The following USP28 variants were observed in gnomAD, a reference collection of about 807,000 sequenced individuals.
USP28 encodes the protein ubiquitin specific peptidase 28, also known as ubiquitin carboxyl-terminal hydrolase 28.
In USP28, 113 loss-of-function variants were observed where a neutral mutation model predicts 145.0. The observed-to-expected ratio is 0.78, with a 90% confidence interval of 0.67 to 0.91. USP28 has a LOEUF of 0.91. USP28 is among the 40% of genes least tolerant of loss of function. The pLI is 0.00. For synonymous variants in USP28, 447 were observed against 450.9 expected, an observed-to-expected ratio of 0.99 and a Z score of 0.11; for missense variants, 1,201 against 1,289.6, an observed-to-expected ratio of 0.93 and a Z score of 1.05.
exon 9 of USP28, chr11:113,830,886 C>T: frequency 6.2e-7 from 1 of 1,613,940 alleles, no homozygotes; most frequent in Non-Finnish European, 8.5e-7. Flanking sequence ...CCCCTTCAGT[C>T]AGGAAAGTAC....
chr11:113,853,802 G>A (rs1462761477), intron 2 of USP28, among the ~76,000 whole-genome samples: 2 of 151,574 alleles, frequency 1.3e-5, no homozygotes, highest in East Asian at 3.9e-4. Flanking sequence ...CAGCTTGAAT[G>A]CGGGAGGGAG....
At chr11:113,831,023 G>T (rs768810273) in intron 8 of USP28, 80 bp from the exon 9 acceptor site, 3 of 1,461,188 alleles carry the variant, frequency 2.1e-6, no homozygotes, top group Non-Finnish European at 2.9e-6. Context: ...TCATTCAAAA[G>T]CAAAAATAGT....
chr11:113,859,045 ATTTT>A (rs1395560147), intron 1 of USP28, among the ~76,000 whole-genome samples: 1 of 151,656 alleles, frequency 6.6e-6, no homozygotes, highest in African/African-American at 2.4e-5. Flanking sequence ...AACTACTTTA[ATTTT>A]TTTTTCTTTT....
intron 19 of USP28, among the ~76,000 whole-genome samples, chr11:113,805,887 G>C (rs909246662): frequency 6.6e-6 from 1 of 152,124 alleles, no homozygotes; most frequent in African/African-American, 2.4e-5. Flanking sequence ...TTGTTCATCA[G>C]TTGGACAGGA....
intron 1 of USP28, among the ~76,000 whole-genome samples, chr11:113,868,305 G>A (rs541924765): frequency 6.6e-6 from 1 of 152,266 alleles, no homozygotes; most frequent in East Asian, 1.9e-4. Flanking sequence ...GATATCCTGT[G>A]TTATAGTTTT....
At chr11:113,827,314 C>A in exon 11 of USP28, 3 of 1,612,348 alleles carry the variant, frequency 1.9e-6, no homozygotes, top group Non-Finnish European at 2.5e-6. Context: ...AAACTCAAAT[C>A]TTGAGAGTTC....
chr11:113,831,116 CT>C (rs1943938927), intron 8 of USP28, 173 bp from the exon 9 acceptor site: 1 of 621,872 alleles, frequency 1.6e-6, no homozygotes. Context: ...TGAACACCTT[CT>C]TTCGAGCATT....
rs1455436488 is a variant in USP28, at chr11:113,827,372, A to G, written c.1060-12T>C. The stretch of plus-strand genomic sequence containing the variant: ...TTTGTAAACCAACGCTAGTGTCAAG[A>G]GTAGAAATGTGAGAGAAAGAAAAAT... On this transcript the variant is annotated splice_polypyrimidine_tract_variant and intron_variant, in intron 10 of 24. Coordinates refer to ENST00000003302, the Ensembl canonical transcript of USP28. 3 of 1,567,114 alleles carry G rather than the reference A, an allele frequency of 1.9e-6. No individual in the cohort carries two copies. The highest frequency in any genetic ancestry group is 1.4e-5 in the African/African-American group (1 of 71,802).
At chr11:113,853,226 C>T (rs1946668566) in intron 2 of USP28, among the ~76,000 whole-genome samples, 1 of 127,932 alleles carries the variant, frequency 7.8e-6, no homozygotes, top group African/African-American at 3.0e-5. Context: ...AGGCAGAGGG[C>T]AGAGGCTGCA....
exon 25 of USP28, chr11:113,799,236 G>T: frequency 6.2e-7 from 1 of 1,611,746 alleles, no homozygotes; most frequent in Non-Finnish European, 8.5e-7. Context: ...GAACATGTGG[G>T]AGCTTATTTC....
intron 1 of USP28, 120 bp from the exon 2 acceptor site, chr11:113,854,455 G>A: frequency 3.4e-6 from 3 of 869,726 alleles, no homozygotes; most frequent in Non-Finnish European, 3.5e-6. Context: ...AGGCTGGAGT[G>A]CAGTGGCCGG....
chr11:113,870,352 C>A lies in USP28; in HGVS notation c.57+5093G>T, dbSNP rs546103265. Among the ~76,000 whole-genome samples, 357 of 152,192 alleles carry A rather than the reference C, an allele frequency of 2.3e-3. 1 individual carries two copies. The highest frequency in any genetic ancestry group is 2.4e-3 in the Non-Finnish European group (163 of 68,010). ...GACCAGCCTGGGCAACATAGCAAGA[C>A]CTCGTCTCTATAAAAAATTAAAAAA... On this transcript the variant is annotated intron_variant, in intron 1 of 24. Coordinates refer to ENST00000003302, the Ensembl canonical transcript of USP28.
At chr11:113,865,135 G>A (rs1005235308) in intron 1 of USP28, among the ~76,000 whole-genome samples, 1 of 152,102 alleles carries the variant, frequency 6.6e-6, no homozygotes, top group Non-Finnish European at 1.5e-5. Context: ...CACTGCGTCT[G>A]GCCACGAAGA....
At chr11:113,832,416 G>A (rs1944104410) in intron 7 of USP28, among the ~76,000 whole-genome samples, 1 of 152,092 alleles carries the variant, frequency 6.6e-6, no homozygotes, top group Non-Finnish European at 1.5e-5. Flanking sequence ...GCCTGAAAGC[G>A]TTTATTTTTG....
chr11:113,867,243 T>A (rs574992437), intron 1 of USP28, among the ~76,000 whole-genome samples: 2 of 152,208 alleles, frequency 1.3e-5, no homozygotes, highest in East Asian at 3.9e-4. Context: ...GTGAATATAT[T>A]AAATGTCACT....
chr11:113,821,254 C>CG (rs1942553028), intron 12 of USP28: 4 of 223,200 alleles, frequency 1.8e-5, no homozygotes, highest in Middle Eastern at 5.0e-4. Context: ...ACAGTGTGGC[C>CG]AGGGGGAAGG....
chr11:113,801,543 G>C (rs768891465), exon 24 of USP28: 2 of 1,609,182 alleles, frequency 1.2e-6, no homozygotes, highest in East Asian at 2.2e-5. Flanking sequence ...ATGGCATCCA[G>C]ATCATCCTTG....
intron 3 of USP28, among the ~76,000 whole-genome samples, chr11:113,845,500 G>A (rs1243657909): frequency 6.6e-6 from 1 of 152,056 alleles, no homozygotes; most frequent in Non-Finnish European, 1.5e-5. Flanking sequence ...AAAACAGTAT[G>A]GAAGCTATTC....
At chr11:113,854,965 C>T (rs141840718) in intron 1 of USP28, among the ~76,000 whole-genome samples, 156 of 152,112 alleles carry the variant, frequency 1.0e-3, no homozygotes, top group Non-Finnish European at 1.3e-3. Context: ...ATAAGGAGTC[C>T]GGGGAATTTG....
Sources: allele counts gnomAD v4.1 joint callset (sites outside exome capture counted in the v4.1 genomes callset), GRCh38; gene constraint gnomAD v4.1.1; transcripts MANE v1.5; gene names NCBI Gene and HGNC (gene_info 2026-07-23, HGNC 2026-07-21).